Variants in RING1 observed in about 807,000 individuals in gnomAD.
RING1 encodes the protein ring finger protein 1.
In RING1, 8 loss-of-function variants were observed where a neutral mutation model predicts 35.0. That is an observed-to-expected ratio of 0.23 (90% CI 0.13 to 0.41). RING1 has a LOEUF of 0.41. Ranked by LOEUF, RING1 falls within the 10% of genes least tolerant of loss-of-function variation. The pLI, the probability that RING1 is intolerant of heterozygous loss-of-function variation, is 1.00. For synonymous variants in RING1, 214 were observed against 224.3 expected (o/e 0.95, Z 0.41); for missense variants, 343 against 546.8 (o/e 0.63, Z 3.72).
Position 33,209,152 on chromosome 6 carries a change from T to G in RING1, c.78+252T>G. 2.9e-6 allele frequency: 2 copies of G among 686,812 alleles called. No individual in the cohort carries two copies. Among genetic ancestry groups the G allele is most frequent in the Non-Finnish European group, 5.3e-6 (2 of 375,470 alleles). The allele number at this position is 686,812 out of a possible 1,614,324, so 42.5% of individuals were successfully genotyped here. On this transcript the variant is annotated intron_variant, in intron 2 of 6. Coordinates refer to ENST00000374656, the MANE Select transcript of RING1 (RefSeq NM_002931.4). This position sits in a 1 kb window ranked among gnomAD's most constrained non-coding sequence, Gnocchi z 5.1. ...ACAAACACAAAAATTACCTTCCCTG[T>G]TCCTCATTCAGTGTCATAAGTCAGT...
chr6:33,210,077 G>A lies in RING1; in HGVS notation c.402G>A (p.Gln134=), dbSNP rs1469100507. The change falls in exon 4 of 7, where the codon CAG becomes CAA. Residue 134 remains glutamine, a synonymous_variant. Transcript: ENST00000374656. ...VLIRLSRLHN[Q]QALSSSIEEG... ...TCCGCCTGAGCCGCCTGCACAACCA[G>A]CAGGCATTGAGCTCCAGCATTGAGG... is the stretch of plus-strand genomic sequence containing the variant. 1.9e-6 allele frequency: 3 copies of A among 1,614,206 alleles called. No homozygotes were observed. In the African/African-American group the frequency reaches 4.0e-5, roughly 22 times the overall value.
chr6:33,211,356 C>A lies in RING1; in HGVS notation c.654C>A (p.Gly218=). The change falls in exon 5 of 7, where the codon GGC becomes GGA. Residue 218 remains glycine, a synonymous_variant. Coordinates refer to ENST00000374656, the MANE Select transcript of RING1 (RefSeq NM_002931.4). This position sits in a 1 kb window ranked among gnomAD's most constrained non-coding sequence, Gnocchi z 6.3. The stretch of plus-strand genomic sequence containing the variant: ...GGAGCAGTGTAGGGACAGGGGGAGG[C>A]GGCACTGGTGGGGTGGGTGGGGGTG... ...AGGSSVGTGG[G]GTGGVGGGAG... is the part of the protein sequence containing the mutation. 1.3e-5 allele frequency: 15 copies of A among 1,122,286 alleles called. No homozygotes were observed. Among genetic ancestry groups the A allele is most frequent in the Non-Finnish European group, 1.8e-5 (15 of 841,062 alleles). 69.5% of individuals were successfully genotyped at this position (1,122,286 alleles called of 1,614,324 possible).
In RING1 at chr6:33,210,601, C is replaced by G. The variant is rs141446845; in HGVS notation, c.455+471C>G. ...CACTCCAGCCTGCTGGGCGACAGAA[C>G]AAGGCCCTGTCACAAAAAAAAAAAA... On this transcript the variant is annotated intron_variant, in intron 4 of 6. Coordinates refer to ENST00000374656, the MANE Select transcript of RING1 (RefSeq NM_002931.4). Among the ~76,000 whole-genome samples, 874 of 149,654 alleles carry G rather than the reference C, an allele frequency of 5.8e-3. 12 individuals are homozygous for G. Among genetic ancestry groups the G allele is most frequent in the African/African-American group, 0.021 (831 of 40,494 alleles).
In RING1 at chr6:33,211,235, A is replaced by T. The variant is rs1171107975; in HGVS notation, c.533A>T (p.Glu178Val). 1.2e-6 allele frequency: 2 copies of T among 1,612,654 alleles called. No homozygotes were observed. Among genetic ancestry groups the T allele is most frequent in the African/African-American group, 2.7e-5 (2 of 74,800 alleles). ...AGTGGGGGGGAAGGAGAGCCCGGGG[A>T]GGGAGAAGGGGATGGAGAAGATGTG... ...TMSGGEGEPG[E>V]GEGDGEDVSS... The change falls in exon 5 of 7, where the codon GAG becomes GTG. Residue 178 changes from glutamate to valine, a missense_variant. Around this residue, in one of 2 missense-constraint regions of RING1, gnomAD observed 278 missense variants for 383.5 expected, o/e 0.72. Coordinates refer to ENST00000374656, the MANE Select transcript of RING1 (RefSeq NM_002931.4). This position sits in a 1 kb window ranked among gnomAD's most constrained non-coding sequence, Gnocchi z 6.3.
chr6:33,210,032 C>G lies in RING1; in HGVS notation c.357C>G (p.Ala119=). ...ATCCTAGCCGGGAGGAATACGAGGC[C>G]CATCAAGACCGAGTGCTTATCCGCC... ...KIYPSREEYE[A]HQDRVLIRLS... is the part of the protein sequence containing the mutation. Residue 119 remains alanine (A), a synonymous_variant, in exon 4 of 7, where the codon GCC becomes GCG. Transcript: ENST00000374656. The G allele has an allele frequency of 1.9e-6, 3 of 1,614,184 alleles. No homozygotes were observed. The highest frequency in any genetic ancestry group is 1.7e-6 in the Non-Finnish European group (2 of 1,180,034).
Position 33,212,407 on chromosome 6 carries a change from A to AG in RING1, c.*12dup, listed in dbSNP as rs749024397. 7 of 1,563,822 alleles carry AG rather than the reference A, an allele frequency of 4.5e-6. No individual in the cohort carries two copies. Among genetic ancestry groups the AG allele is most frequent in the Non-Finnish European group, 5.2e-6 (6 of 1,149,134 alleles). On this transcript the variant is annotated 3_prime_UTR_variant, in exon 7 of 7. Transcript: ENST00000374656. ...ACCAAGGATCCAAAGTGACCCCACC[A>AG]GGGGACAGCCAGAGGAAGGGGACCA...
chr6:33,208,618 G>T lies in RING1; in HGVS notation c.-85G>T. ...CGGGCCTAGGGAGAGGCGCGGCGGCGGCGGGAGCGCGAACGGCTGGAGCTG... is the reference window on the plus strand; with the variant it reads ...CGGGCCTAGGGAGAGGCGCGGCGGCTGCGGGAGCGCGAACGGCTGGAGCTG... On this transcript the variant is annotated 5_prime_UTR_variant, in exon 1 of 7. Transcript: ENST00000374656. The surrounding 1 kb of genome is among the most constrained non-coding windows in gnomAD (Gnocchi z 6.2). 1 of 530,508 alleles carries T rather than the reference G, an allele frequency of 1.9e-6. No homozygotes were observed. The highest frequency in any genetic ancestry group is 3.3e-6 in the Non-Finnish European group (1 of 305,466). 32.9% of individuals were successfully genotyped at this position (530,508 alleles called of 1,614,324 possible). A position where few individuals can be genotyped will look rare whatever the true frequency, so the allele number is the denominator to read the frequency against.
intron 4 of RING1, 111 bp downstream of exon 4, chr6:33,210,241 A>G (rs1316981986): frequency 4.3e-6 from 4 of 926,340 alleles, no homozygotes; most frequent in Admixed American, 4.4e-5. Context: ...CAGACTGATC[A>G]TTAGGGCTGG....
In RING1 at chr6:33,212,357, G is replaced by T. The variant is rs1230880331; in HGVS notation, c.1179G>T (p.Arg393=). 1.3e-6 allele frequency: 2 copies of T among 1,596,294 alleles called. No individual in the cohort carries two copies. Residue 393 remains arginine, a synonymous_variant, in exon 7 of 7, where the codon CGG becomes CGT. Transcript: ENST00000374656. The part of the protein sequence containing the change: ...LVNEKFWKVS[R]PLELCYAPTK... Reference sequence around the variant, plus strand: ...ATGAGAAATTCTGGAAGGTGTCCCGGCCACTGGAGCTGTGCTATGCTCCCA... The same window carrying T: ...ATGAGAAATTCTGGAAGGTGTCCCGTCCACTGGAGCTGTGCTATGCTCCCA...
chr6:33,212,063 A>T, intron 6 of RING1, 61 bp downstream of exon 6: 24 of 1,336,766 alleles, frequency 1.8e-5, no homozygotes, highest in Non-Finnish European at 2.3e-5. Context: ...TCTGGGCCAC[A>T]TAGAACCATG....
chr6:33,211,219 G>A lies in RING1; in HGVS notation c.517G>A (p.Glu173Lys). ...TCAGACCACAACGATGAGTGGGGGG[G>A]AAGGAGAGCCCGGGGAGGGAGAAGG... ...SDQTTTMSGG[E>K]GEPGEGEGDG... The change falls in exon 5 of 7, where the codon GAA (glutamate) becomes AAA (lysine). Residue 173 changes from glutamate to lysine, a missense_variant. Glu to Lys is a moderately conservative substitution (Grantham distance 56, BLOSUM62 1). Around this residue, in one of 2 missense-constraint regions of RING1, gnomAD observed 278 missense variants for 383.5 expected, o/e 0.72. Coordinates refer to ENST00000374656, the MANE Select transcript of RING1 (RefSeq NM_002931.4). This position sits in a 1 kb window ranked among gnomAD's most constrained non-coding sequence, Gnocchi z 6.3. 1 of 1,612,886 alleles carries A rather than the reference G, an allele frequency of 6.2e-7. No individual in the cohort carries two copies.
At chr6:33,212,030 A>G in intron 6 of RING1, 28 bp downstream of exon 6, 2 of 1,482,104 alleles carry the variant, frequency 1.3e-6, no homozygotes. Context: ...CAGTGGTAGA[A>G]GAGGGGAGAG....
At position 33,209,803 on chromosome 6, in the gene RING1, G is replaced by A. The variant is rs752161594; in HGVS notation, c.239+17G>A. On this transcript the variant is annotated intron_variant, in intron 3 of 6. Coordinates refer to ENST00000374656, the MANE Select transcript of RING1 (RefSeq NM_002931.4). This position sits in a 1 kb window ranked among gnomAD's most constrained non-coding sequence, Gnocchi z 5.1. ...ACGGAGCGGGTAATAGGAGAGACAT[G>A]TTTGAGATGAGATGAAGGGGTACAA... is the stretch of plus-strand genomic sequence containing the variant. 6 of 1,613,306 alleles carry A rather than the reference G, an allele frequency of 3.7e-6. No individual in the cohort carries two copies. In the Admixed American group the frequency reaches 5.0e-5, roughly 13 times the overall value.
In RING1 at chr6:33,211,901, G is replaced by A. The variant is rs746889405; in HGVS notation, c.1018G>A (p.Gly340Arg). 10 of 1,603,156 alleles carry A rather than the reference G, an allele frequency of 6.2e-6. No homozygotes were observed. The African/African-American group carries it at 6.7e-5, about 11-fold the overall frequency. Residue 340 changes from glycine to arginine, a missense_variant, in exon 6 of 7, where the codon GGA (glycine) becomes AGA (arginine). Transcript: ENST00000374656. This position sits in a 1 kb window ranked among gnomAD's most constrained non-coding sequence, Gnocchi z 6.3. ...DGCGGEGGGA[G>R]GGDGPEEPAL... ...GTGTGGCGGGGAGGGTGGGGGTGCC[G>A]GAGGAGGTGACGGTCCTGAGGAGCC...
chr6:33,208,622 G>T lies in RING1; in HGVS notation c.-81G>T. 2 of 533,704 alleles carry T rather than the reference G, an allele frequency of 3.7e-6. 1 individual carries two copies. Among genetic ancestry groups the T allele is most frequent in the South Asian group, 5.2e-5 (2 of 38,798 alleles). The allele number at this position is 533,704 out of a possible 1,614,324, so 33.1% of individuals were successfully genotyped here. A position where few individuals can be genotyped will look rare whatever the true frequency, so the allele number is the denominator to read the frequency against. On this transcript the variant is annotated 5_prime_UTR_variant, in exon 1 of 7. Transcript: ENST00000374656. This position sits in a 1 kb window ranked among gnomAD's most constrained non-coding sequence, Gnocchi z 6.2. ...CCTAGGGAGAGGCGCGGCGGCGGCG[G>T]GAGCGCGAACGGCTGGAGCTGGGTG... is the stretch of plus-strand genomic sequence containing the variant.
intron 4 of RING1, among the ~76,000 whole-genome samples, chr6:33,210,850 GA>G (rs1775473485): frequency 6.6e-6 from 1 of 152,146 alleles, no homozygotes; most frequent in Non-Finnish European, 1.5e-5. Flanking sequence ...GCTCACAGGG[GA>G]TGTGTATGCT....
In RING1 at chr6:33,211,160, C is replaced by T. The variant is rs1218097201; in HGVS notation, c.458C>T (p.Ala153Val). 1 of 1,595,280 alleles carries T rather than the reference C, an allele frequency of 6.3e-7. No homozygotes were observed. The highest frequency in any genetic ancestry group is 8.6e-7 in the Non-Finnish European group (1 of 1,167,452). ...ACCTTAACCACTTGCTTCTACAGGG[C>T]CCAGCGTGTGAGGCGGCCGATACCA... ...EGLRMQAMHR[A>V]QRVRRPIPGS... The change falls in exon 5 of 7, where the codon GCC becomes GTC. Residue 153 changes from alanine (A) to valine (V), a missense_variant and splice_region_variant. Transcript: ENST00000374656. The surrounding 1 kb of genome is among the most constrained non-coding windows in gnomAD (Gnocchi z 6.3).
chr6:33,208,676 C>T lies in RING1; in HGVS notation c.-59+32C>T, dbSNP rs1775308835. On this transcript the variant is annotated intron_variant, in intron 1 of 6. Transcript: ENST00000374656. This position sits in a 1 kb window ranked among gnomAD's most constrained non-coding sequence, Gnocchi z 6.2. ...GGCAGTGCCGGCGCGGGGGCGGGAGCGGGGGCGGAGAGGGGCGCTTCTGGA... is the reference window on the plus strand; with the variant it reads ...GGCAGTGCCGGCGCGGGGGCGGGAGTGGGGGCGGAGAGGGGCGCTTCTGGA... 7.9e-6 allele frequency: 5 copies of T among 631,004 alleles called. No homozygotes were observed. Among genetic ancestry groups the T allele is most frequent in the Admixed American group, 6.8e-5 (2 of 29,310 alleles). The allele number at this position is 631,004 out of a possible 1,614,324, so 39.1% of individuals were successfully genotyped here.
At position 33,212,436 on chromosome 6, in the gene RING1, G is replaced by A. The variant is rs1353040461; in HGVS notation, c.*37G>A. On this transcript the variant is annotated 3_prime_UTR_variant, in exon 7 of 7. Coordinates refer to ENST00000374656, the MANE Select transcript of RING1 (RefSeq NM_002931.4). ...GACAGCCAGAGGAAGGGGACCATGG[G>A]GTATCCCTGTGTCCTGGTCTATCAC... 28 of 1,375,198 alleles carry A rather than the reference G, an allele frequency of 2.0e-5. 1 individual carries two copies. Among genetic ancestry groups the A allele is most frequent in the Middle Eastern group, 3.5e-4 (2 of 5,638 alleles). 85.2% of individuals were successfully genotyped at this position (1,375,198 alleles called of 1,614,324 possible).
Sources: gnomAD v4.1 joint callset for allele counts (sites outside exome capture counted in the v4.1 genomes callset) on GRCh38, gnomAD v4.1.1 for gene constraint, gnomAD v4.1.1 regional missense constraint, Gnocchi (gnomAD v3.1) non-coding constraint, MANE v1.5 for transcripts, NCBI Gene and HGNC (gene_info 2026-07-23, HGNC 2026-07-21) for gene names.